The following ZNF512 variants were observed in gnomAD, a reference collection of about 807,000 sequenced individuals.
ZNF512 encodes the protein zinc finger protein 512.
In ZNF512, 25 loss-of-function variants were observed where a neutral mutation model predicts 77.5. The observed-to-expected ratio is 0.32, with a 90% CI of 0.23 to 0.45. ZNF512 has a LOEUF of 0.45. Ranked by LOEUF, ZNF512 falls within the 20% of genes least tolerant of loss-of-function variation. ZNF512 has a pLI of 1.00. For synonymous variants in ZNF512, 246 were observed against 239.9 expected (o/e 1.03, Z -0.24); for missense variants, 483 against 692.6 (o/e 0.70, Z 3.40).
At chr2:27,593,422 C>T (rs1671693994) in intron 2 of ZNF512, among the ~76,000 whole-genome samples, 1 of 150,524 alleles carries the variant, frequency 6.6e-6, no homozygotes, top group Non-Finnish European at 1.5e-5. Flanking sequence ...TGCTTTGGAC[C>T]AGCCTGGGCA....
At chr2:27,604,546 T>C (rs1393057106) in intron 9 of ZNF512, among the ~76,000 whole-genome samples, 2 of 152,122 alleles carry the variant, frequency 1.3e-5, no homozygotes, top group African/African-American at 4.8e-5. Flanking sequence ...TTTGGGAAGC[T>C]GAGGTGGGTG....
chr2:27,620,163 A>G (rs1673056100), intron 13 of ZNF512, among the ~76,000 whole-genome samples: 1 of 152,230 alleles, frequency 6.6e-6, no homozygotes, highest in South Asian at 2.1e-4. Context: ...CAATATATCT[A>G]AAATTATTTT....
chr2:27,614,078 A>T (rs962337117), intron 10 of ZNF512, among the ~76,000 whole-genome samples: 1 of 152,204 alleles, frequency 6.6e-6, no homozygotes, highest in Non-Finnish European at 1.5e-5. Flanking sequence ...ATTCTTTTAT[A>T]GATTTACCAG....
chr2:27,585,230 A>G (rs1320320908), intron 2 of ZNF512, among the ~76,000 whole-genome samples: 1 of 152,238 alleles, frequency 6.6e-6, no homozygotes, highest in Admixed American at 6.5e-5. Flanking sequence ...TTTGGAACAA[A>G]AACAAATAGG....
intron 5 of ZNF512, 26 bp from the exon 6 acceptor site, chr2:27,600,665 A>C (rs1276365041): frequency 1.2e-6 from 2 of 1,605,762 alleles, no homozygotes. Flanking sequence ...TGCAGATTAC[A>C]AAGTGTTTCT....
intron 10 of ZNF512, among the ~76,000 whole-genome samples, chr2:27,609,557 G>A (rs575999852): frequency 2.6e-5 from 4 of 151,884 alleles, no homozygotes; most frequent in East Asian, 3.9e-4. Flanking sequence ...ATGAAACCCC[G>A]TCTCTACTAA....
intron 3 of ZNF512, 92 bp from the exon 4 acceptor site, chr2:27,599,491 G>A: frequency 1.1e-6 from 1 of 909,534 alleles, no homozygotes; most frequent in Non-Finnish European, 1.8e-6. Context: ...CTTTCCTTTT[G>A]ATGGTCTTGT....
chr2:27,614,823 AT>A (rs1473198995), intron 10 of ZNF512, among the ~76,000 whole-genome samples: 1 of 149,896 alleles, frequency 6.7e-6, no homozygotes, highest in African/African-American at 2.5e-5. Context: ...TTTTAAATTT[AT>A]TTTTTTCTTT....
At chr2:27,599,894 G>A in intron 4 of ZNF512, 76 bp from the exon 5 acceptor site, 1 of 1,511,742 alleles carries the variant, frequency 6.6e-7, no homozygotes, top group Non-Finnish European at 9.2e-7. Context: ...ATAGGGTGTT[G>A]AAGAGGAGGA....
intron 10 of ZNF512, among the ~76,000 whole-genome samples, chr2:27,613,592 C>A (rs1251568856): frequency 6.6e-6 from 1 of 152,026 alleles, no homozygotes; most frequent in Non-Finnish European, 1.5e-5. Context: ...TTTGTGCATA[C>A]TTAAGTTCCG....
In ZNF512 at chr2:27,585,314, A is replaced by G. The variant is rs58297068; in HGVS notation, c.89+1598A>G. On this transcript the variant is annotated intron_variant, in intron 2 of 13. Coordinates refer to ENST00000355467, the MANE Select transcript of ZNF512 (RefSeq NM_032434.4). ...TCAGCTATAAAAAATAATTGGAAACATGATGTTTTCTTCCACAAGCTGAGA... is the reference window on the plus strand; with the variant it reads ...TCAGCTATAAAAAATAATTGGAAACGTGATGTTTTCTTCCACAAGCTGAGA... Among the ~76,000 whole-genome samples the G allele has an allele frequency of 7.0e-3, 1,061 of 152,364 alleles. 13 individuals are homozygous for G. The highest frequency in any genetic ancestry group is 0.023 in the African/African-American group (942 of 41,588).
intron 2 of ZNF512, among the ~76,000 whole-genome samples, 151 bp from the exon 3 acceptor site, chr2:27,597,910 CTATTGT>C (rs1272397289): frequency 1.3e-5 from 2 of 152,182 alleles, no homozygotes; most frequent in Non-Finnish European, 2.9e-5. Flanking sequence ...GTTAGATCAA[CTATTGT>C]TATTGTTAGG....
At chr2:27,608,160 T>C in intron 10 of ZNF512, 121 bp downstream of exon 10, 2 of 941,300 alleles carry the variant, frequency 2.1e-6, no homozygotes, top group Non-Finnish European at 1.5e-6. Context: ...TGTTTATCTT[T>C]GGAGATAGAG....
intron 2 of ZNF512, among the ~76,000 whole-genome samples, chr2:27,596,814 G>C (rs1279979978): frequency 6.6e-6 from 1 of 152,174 alleles, no homozygotes; most frequent in Non-Finnish European, 1.5e-5. Flanking sequence ...ACCAGTCTCT[G>C]TTATGTTTAC....
At chr2:27,607,727 GT>G in intron 9 of ZNF512, 117 bp from the exon 10 acceptor site, 1 of 940,974 alleles carries the variant, frequency 1.1e-6, no homozygotes. Flanking sequence ...GATGCTAGTG[GT>G]TAGCAATCTA....
rs1393185839 is a variant in ZNF512, at chr2:27,621,683, G to GTT, written c.*228_*229dup. The GTT allele has an allele frequency of 4.1e-6, 2 of 482,826 alleles. No homozygotes were observed. Among genetic ancestry groups the GTT allele is most frequent in the African/African-American group, 3.9e-5 (2 of 51,378 alleles). The allele number at this position is 482,826 out of a possible 1,614,324, so 29.9% of individuals were successfully genotyped here. On this transcript the variant is annotated 3_prime_UTR_variant, in exon 14 of 14. Coordinates refer to ENST00000355467, the MANE Select transcript of ZNF512 (RefSeq NM_032434.4). ...CTGCTATTCCTCGTCAAGTCCTCTT[G>GTT]TTTTTTTATCTTGCCCAAAGAGCTC...
In ZNF512 at chr2:27,600,038, C is replaced by A; in HGVS notation, c.442C>A (p.Pro148Thr). The change falls in exon 5 of 14, where the codon CCA becomes ACA. Residue 148 changes from proline (P) to threonine (T), a missense_variant. Physicochemically the swap from Pro to Thr is conservative, Grantham distance 38. Transcript: ENST00000355467. ...SQARRIRKEPPVYAAGSLEEQ... is the reference protein window; with the variant it reads ...SQARRIRKEPTVYAAGSLEEQ... Reference sequence around the variant, plus strand: ...GGCCCGTCGTATTCGGAAGGAACCACCAGTTTATGCAGCAGGTATGTTTTC... The same window carrying A: ...GGCCCGTCGTATTCGGAAGGAACCAACAGTTTATGCAGCAGGTATGTTTTC... 1 of 1,614,140 alleles carries A rather than the reference C, an allele frequency of 6.2e-7. No individual in the cohort carries two copies. Among genetic ancestry groups the A allele is most frequent in the Non-Finnish European group, 8.5e-7 (1 of 1,180,018 alleles).
intron 10 of ZNF512, among the ~76,000 whole-genome samples, chr2:27,614,347 G>A (rs1043822015): frequency 1.3e-5 from 2 of 152,140 alleles, no homozygotes; most frequent in Non-Finnish European, 2.9e-5. Context: ...AAAAAGAAGT[G>A]CTAGAAATAA....
At chr2:27,620,659 A>G (rs116358880) in intron 13 of ZNF512, among the ~76,000 whole-genome samples, 157 of 152,230 alleles carry the variant, frequency 1.0e-3, no homozygotes, top group Non-Finnish European at 1.8e-3. Context: ...TGGCAAAAAT[A>G]CTTCATAATT....
Sources: allele counts gnomAD v4.1 joint callset (sites outside exome capture counted in the v4.1 genomes callset), GRCh38; gene constraint gnomAD v4.1.1; transcripts MANE v1.5; gene names NCBI Gene and HGNC (gene_info 2026-07-23, HGNC 2026-07-21).